ASPH: variants seen among roughly 807,000 people sequenced by gnomAD.
ASPH encodes the protein aspartyl/asparaginyl beta-hydroxylase.
A neutral mutation model predicts 118.4 loss-of-function variants in ASPH; 100 were observed. The observed-to-expected ratio is 0.84, with a 90% confidence interval of 0.72 to 1.00. The LOEUF (loss-of-function observed/expected upper bound fraction) is 1.00, where lower values mean the gene tolerates loss of function less well. Ranked by LOEUF, ASPH falls within the 50% of genes least tolerant of loss-of-function variation. The pLI, the probability that ASPH is intolerant of heterozygous loss-of-function variation, is 0.00. For synonymous variants in ASPH, 315 were observed against 325.6 expected (o/e 0.97, Z 0.35); for missense variants, 920 against 919.5 (o/e 1.00, Z -0.01).
intron 12 of ASPH, among the ~76,000 whole-genome samples, chr8:61,637,610 A>G (rs1383017130): frequency 6.6e-6 from 1 of 152,002 alleles, no homozygotes; most frequent in African/African-American, 2.4e-5. Context: ...GTCTCTGCCC[A>G]TAGCTATGCC....
intron 3 of ASPH, chr8:61,668,120 C>A: frequency 1.9e-6 from 2 of 1,055,328 alleles, no homozygotes; most frequent in Non-Finnish European, 2.7e-6. Flanking sequence ...CAAGCAAGAC[C>A]CAAAAGCAAT....
chr8:61,634,988 G>A (rs892084860), intron 12 of ASPH, among the ~76,000 whole-genome samples: 5 of 152,088 alleles, frequency 3.3e-5, no homozygotes, highest in East Asian at 1.9e-4. Flanking sequence ...AAAGTAAACC[G>A]TGAATTAATT....
intron 3 of ASPH, chr8:61,660,585 C>G (rs1332705328): frequency 6.6e-6 from 1 of 152,102 alleles, no homozygotes; most frequent in Non-Finnish European, 1.5e-5. Context: ...ATGTTGAGAA[C>G]ACTGTTCAAG....
Position 61,664,426 on chromosome 8 carries a change from G to C in ASPH, c.323-10766C>G. ...GACTATAAAGGTATCATAAATAAAA[G>C]TGTTCTGAAACTGTTCTTCTAAATA... On this transcript the variant is annotated intron_variant, in intron 3 of 24. Coordinates refer to ENST00000379454, the MANE Select transcript of ASPH (RefSeq NM_004318.4). The C allele has an allele frequency of 8.2e-6, 8 of 980,902 alleles. 1 individual carries two copies. In the South Asian group the frequency reaches 3.3e-4, roughly 40 times the overall value. The allele number at this position is 980,902 out of a possible 1,614,324, so 60.8% of individuals were successfully genotyped here. A position where few individuals can be genotyped will look rare whatever the true frequency, so the allele number is the denominator to read the frequency against.
intron 14 of ASPH, among the ~76,000 whole-genome samples, chr8:61,601,535 A>G (rs748768004): frequency 4.0e-5 from 6 of 149,848 alleles, no homozygotes; most frequent in Non-Finnish European, 5.9e-5. Flanking sequence ...GTGAGACTCC[A>G]TCTCAAAAAA....
At chr8:61,604,997 G>A (rs1197562296) in intron 14 of ASPH, among the ~76,000 whole-genome samples, 1 of 152,150 alleles carries the variant, frequency 6.6e-6, no homozygotes, top group East Asian at 1.9e-4. Context: ...TGTTAATAAA[G>A]CTGTAACACC....
At chr8:61,625,924 T>A in intron 13 of ASPH, 1 of 1,069,290 alleles carries the variant, frequency 9.4e-7, no homozygotes, top group Non-Finnish European at 1.1e-6. Flanking sequence ...CAATTGCTGC[T>A]ACATCACCAA....
intron 5 of ASPH, among the ~76,000 whole-genome samples, chr8:61,650,108 T>C (rs886802099): frequency 6.6e-6 from 1 of 152,094 alleles, no homozygotes; most frequent in African/African-American, 2.4e-5. Flanking sequence ...CCCATTATAT[T>C]TAAATCACTT....
At chr8:61,508,318 C>T (rs1807430852) in intron 24 of ASPH, among the ~76,000 whole-genome samples, 1 of 148,386 alleles carries the variant, frequency 6.7e-6, no homozygotes, top group Non-Finnish European at 1.5e-5. Context: ...TCCTGGCCTT[C>T]TGTTAGAATT....
At chr8:61,642,547 A>C (rs1215177724) in intron 10 of ASPH, among the ~76,000 whole-genome samples, 2 of 152,340 alleles carry the variant, frequency 1.3e-5, no homozygotes, top group Non-Finnish European at 2.9e-5. Flanking sequence ...GTATATTTTA[A>C]AACAAGAAGG....
At chr8:61,591,296 C>T (rs923254851) in intron 14 of ASPH, among the ~76,000 whole-genome samples, 4 of 151,596 alleles carry the variant, frequency 2.6e-5, no homozygotes, top group African/African-American at 9.7e-5. Context: ...AAATTATAAA[C>T]AACCAATATA....
intron 20 of ASPH, among the ~76,000 whole-genome samples, chr8:61,550,272 T>C (rs1425737522): frequency 1.3e-5 from 2 of 152,136 alleles, no homozygotes; most frequent in Admixed American, 6.6e-5. Context: ...ATCAGCAATT[T>C]TCCTGTCTAA....
intron 14 of ASPH, among the ~76,000 whole-genome samples, chr8:61,610,801 T>C (rs1007628395): frequency 6.6e-6 from 1 of 152,182 alleles, no homozygotes; most frequent in Non-Finnish European, 1.5e-5. Flanking sequence ...GAATACCTAG[T>C]GTTTCAGGAC....
intron 22 of ASPH, among the ~76,000 whole-genome samples, chr8:61,519,064 T>C (rs980144718): frequency 2.0e-5 from 3 of 152,248 alleles, no homozygotes; most frequent in Non-Finnish European, 4.4e-5. Flanking sequence ...GAAGCAGCTA[T>C]GAAATTATTA....
At chr8:61,642,846 A>G in intron 10 of ASPH, 42 bp downstream of exon 10, 2 of 998,932 alleles carry the variant, frequency 2.0e-6, no homozygotes, top group Non-Finnish European at 2.8e-6. Flanking sequence ...ACTCCATCTC[A>G]AAAAAAAAAA....
intron 3 of ASPH, chr8:61,663,416 C>A: frequency 5.1e-6 from 5 of 985,406 alleles, no homozygotes; most frequent in Middle Eastern, 5.2e-4. Context: ...AGAGACTGGT[C>A]TGGAGCCTGC....
rs1159211760 is a variant in ASPH, at chr8:61,567,162, T to C, written c.1300+6A>G. ...TCCTACTGAATTACCTTTGATTGCA[T>C]CTTACCTAGAAATTGTTGCCTGTCT... On this transcript the variant is annotated splice_donor_region_variant and intron_variant, in intron 17 of 24. Transcript: ENST00000379454. 6.2e-7 allele frequency: 1 copy of C among 1,613,524 alleles called. No individual in the cohort carries two copies.
At position 61,684,076 on chromosome 8, in the gene ASPH, G is replaced by A. The variant is rs772714084; in HGVS notation, c.216C>T (p.Val72=). 11 of 1,613,512 alleles carry A rather than the reference G, an allele frequency of 6.8e-6. No individual in the cohort carries two copies. The highest frequency in any genetic ancestry group is 3.3e-5 in the South Asian group (3 of 91,052). ...CATAGTCAACAAGATCAAACCAAAC[G>A]ACAGCTACAGATGTCCAGACGCCCA... ...ALLGVWTSVA[V]VWFDLVDYEE... The change falls in exon 2 of 25, where the codon GTC becomes GTT. Residue 72 remains valine (V), a synonymous_variant. Coordinates refer to ENST00000379454, the MANE Select transcript of ASPH (RefSeq NM_004318.4).
chr8:61,636,011 C>T (rs976095994), intron 12 of ASPH, among the ~76,000 whole-genome samples: 1 of 152,312 alleles, frequency 6.6e-6, no homozygotes, highest in East Asian at 1.9e-4. Context: ...GTAGGCCTTG[C>T]AAGGCCCTGA....
Sources: allele counts gnomAD v4.1 joint callset (sites outside exome capture counted in the v4.1 genomes callset), GRCh38; gene constraint gnomAD v4.1.1; transcripts MANE v1.5; gene names NCBI Gene and HGNC (gene_info 2026-07-23, HGNC 2026-07-21).